MAML2: variants seen among roughly 807,000 people sequenced by gnomAD.
MAML2 encodes the protein mastermind like transcriptional coactivator 2.
MAML2 carries 22 observed loss-of-function variants against 96.1 expected under a neutral mutation model. That is an observed-to-expected ratio of 0.23 (90% CI 0.16 to 0.33). MAML2 has a LOEUF of 0.33. Ranked by LOEUF, MAML2 falls within the 10% of genes least tolerant of loss-of-function variation. The pLI, the probability that MAML2 is intolerant of heterozygous loss-of-function variation, is 1.00. For synonymous variants in MAML2, 561 were observed against 521.3 expected (o/e 1.08, Z -1.04); for missense variants, 1,367 against 1,392.4 (o/e 0.98, Z 0.29).
At chr11:96,114,913 G>A (rs1337990027) in intron 1 of MAML2, among the ~76,000 whole-genome samples, 2 of 152,148 alleles carry the variant, frequency 1.3e-5, no homozygotes, top group Non-Finnish European at 2.9e-5. Flanking sequence ...AGGTGAGCTG[G>A]CTGGGATCAA....
At chr11:96,213,932 C>T (rs767550583) in intron 1 of MAML2, among the ~76,000 whole-genome samples, 24 of 152,232 alleles carry the variant, frequency 1.6e-4, no homozygotes, top group Admixed American at 6.5e-4. Context: ...GATAGGCTAA[C>T]AATGAATTTG....
chr11:96,136,601 A>G (rs1050837525), intron 1 of MAML2, among the ~76,000 whole-genome samples: 4 of 152,186 alleles, frequency 2.6e-5, no homozygotes, highest in Non-Finnish European at 5.9e-5. Context: ...GTGAATTTCA[A>G]ATTTCAGAGC....
chr11:96,160,377 C>A (rs1341216169), intron 1 of MAML2, among the ~76,000 whole-genome samples: 1 of 151,980 alleles, frequency 6.6e-6, no homozygotes, highest in African/African-American at 2.4e-5. Flanking sequence ...GTGATACTTA[C>A]AAATTTTATG....
At chr11:96,069,539 G>A (rs372248846) in intron 2 of MAML2, among the ~76,000 whole-genome samples, 34 of 152,144 alleles carry the variant, frequency 2.2e-4, no homozygotes, top group South Asian at 8.3e-4. Context: ...TTAGCCGGGC[G>A]TGGCACATGC....
At position 95,977,156 on chromosome 11, in the gene MAML2, T is replaced by A; in HGVS notation, c.*1792A>T. 1 of 191,772 alleles carries A rather than the reference T, an allele frequency of 5.2e-6. No homozygotes were observed. The highest frequency in any genetic ancestry group is 2.3e-5 in the African/African-American group (1 of 43,136). The allele number at this position is 191,772 out of a possible 1,614,324, so 11.9% of individuals were successfully genotyped here. A position where few individuals can be genotyped will look rare whatever the true frequency, so the allele number is the denominator to read the frequency against. Reference sequence around the variant, plus strand: ...TAAACCATCATATTATACAAAACTTTGCATATTAGCATACAAAAGGTAGCA... The same window carrying A: ...TAAACCATCATATTATACAAAACTTAGCATATTAGCATACAAAAGGTAGCA... On this transcript the variant is annotated 3_prime_UTR_variant, in exon 5 of 5. Coordinates refer to ENST00000524717, the MANE Select transcript of MAML2 (RefSeq NM_032427.4).
intron 1 of MAML2, among the ~76,000 whole-genome samples, chr11:96,124,027 G>A (rs747850260): frequency 7.0e-6 from 1 of 143,388 alleles, no homozygotes. Context: ...CCGAGATCGG[G>A]CCACTATACT....
chr11:96,129,176 C>G (rs1860502535), intron 1 of MAML2, among the ~76,000 whole-genome samples: 1 of 152,080 alleles, frequency 6.6e-6, no homozygotes, highest in Admixed American at 6.5e-5. Context: ...TTATTCTATA[C>G]CAGTCTGAAA....
intron 1 of MAML2, among the ~76,000 whole-genome samples, chr11:96,168,310 C>T (rs1861224461): frequency 6.6e-6 from 1 of 152,064 alleles, no homozygotes; most frequent in Non-Finnish European, 1.5e-5. Context: ...TAATAGAAAG[C>T]CTTCAATAAA....
chr11:96,240,986 A>G (rs1020270612), intron 1 of MAML2, among the ~76,000 whole-genome samples: 2 of 152,214 alleles, frequency 1.3e-5, no homozygotes, highest in African/African-American at 4.8e-5. Flanking sequence ...GTGAACTAGA[A>G]ACACTACTAG....
At chr11:96,102,729 T>A (rs945076675) in intron 1 of MAML2, among the ~76,000 whole-genome samples, 4 of 152,192 alleles carry the variant, frequency 2.6e-5, no homozygotes, top group Admixed American at 6.5e-5. Flanking sequence ...TCCTTAGTCA[T>A]CCTGACTAGT....
intron 1 of MAML2, among the ~76,000 whole-genome samples, chr11:96,313,606 T>G (rs1863580402): frequency 6.6e-6 from 1 of 152,154 alleles, no homozygotes; most frequent in Non-Finnish European, 1.5e-5. Flanking sequence ...GACTCCTCTT[T>G]CCTGTCACTG....
intron 1 of MAML2, among the ~76,000 whole-genome samples, chr11:96,315,869 C>G (rs1283585786): frequency 6.6e-6 from 1 of 152,202 alleles, no homozygotes; most frequent in Non-Finnish European, 1.5e-5. Flanking sequence ...CATAATGCAA[C>G]TTCACAACTA....
intron 1 of MAML2, among the ~76,000 whole-genome samples, chr11:96,118,432 T>C (rs1402310119): frequency 1.3e-5 from 2 of 152,200 alleles, no homozygotes; most frequent in Non-Finnish European, 2.9e-5. Context: ...ATGAAAGACG[T>C]GCCTTGCTTC....
At chr11:96,075,905 A>G (rs981919208) in intron 2 of MAML2, among the ~76,000 whole-genome samples, 3 of 152,202 alleles carry the variant, frequency 2.0e-5, no homozygotes, top group African/African-American at 7.2e-5. Flanking sequence ...ATGCTAATAC[A>G]TTTGAGCCAG....
chr11:96,243,223 C>T (rs1305669890), intron 1 of MAML2, among the ~76,000 whole-genome samples: 2 of 152,100 alleles, frequency 1.3e-5, no homozygotes, highest in Non-Finnish European at 2.9e-5. Flanking sequence ...CTTTTAAATT[C>T]TGGAAAACCT....
chr11:96,213,574 G>A (rs1338063145), intron 1 of MAML2, among the ~76,000 whole-genome samples: 1 of 150,056 alleles, frequency 6.7e-6, no homozygotes, highest in Admixed American at 6.6e-5. Flanking sequence ...AGTGTAGATG[G>A]CAGTTTAAGT....
intron 2 of MAML2, among the ~76,000 whole-genome samples, chr11:96,021,387 G>T (rs1046726797): frequency 1.3e-5 from 2 of 152,194 alleles, no homozygotes; most frequent in African/African-American, 4.8e-5. Flanking sequence ...ACTAGAGGGG[G>T]AGGATACGAA....
intron 1 of MAML2, among the ~76,000 whole-genome samples, chr11:96,103,246 A>G (rs1054972150): frequency 1.3e-5 from 2 of 152,178 alleles, no homozygotes; most frequent in African/African-American, 4.8e-5. Flanking sequence ...CCACTCCCAC[A>G]TGCCCCTCCA....
chr11:95,981,755 G>A (rs1857742160), intron 4 of MAML2, among the ~76,000 whole-genome samples: 1 of 152,256 alleles, frequency 6.6e-6, no homozygotes, highest in African/African-American at 2.4e-5. Flanking sequence ...GACATACAAT[G>A]CCAGTAAGAT....
Sources: allele counts gnomAD v4.1 joint callset (sites outside exome capture counted in the v4.1 genomes callset), GRCh38; gene constraint gnomAD v4.1.1; transcripts MANE v1.5; gene names NCBI Gene and HGNC (gene_info 2026-07-23, HGNC 2026-07-21).